EPS15L1: variants seen among roughly 807,000 people sequenced by gnomAD.
The protein encoded by EPS15L1 is epidermal growth factor receptor pathway substrate 15 like 1, also known as epidermal growth factor receptor substrate 15-like 1.
In EPS15L1, 43 loss-of-function variants were observed where a neutral mutation model predicts 117.1. The observed-to-expected ratio is 0.37, with a 90% CI of 0.29 to 0.47. EPS15L1 has a LOEUF of 0.47. EPS15L1 is among the 20% of genes least tolerant of loss of function. EPS15L1 has a pLI of 0.99. For missense variants in EPS15L1, 981 were observed against 1,164.0 expected (o/e 0.84, Z 2.29); for synonymous variants, 459 against 470.5 (o/e 0.98, Z 0.32).
At position 16,417,952 on chromosome 19, in the gene EPS15L1, C is replaced by T. The variant is rs1489172360; in HGVS notation, c.1103G>A (p.Gly368Asp). 6.2e-7 allele frequency: 1 copy of T among 1,612,450 alleles called. No individual in the cohort carries two copies. Among genetic ancestry groups the T allele is most frequent in the Non-Finnish European group, 8.5e-7 (1 of 1,179,288 alleles). ...GGCATGACCAGCACCACTCACCGGG[C>T]CGGGCGTGCCTCTCTCCGAAGGCGG... ...MVPPSERGTPGPDSSGSLGSG... is the reference protein window; with the variant it reads ...MVPPSERGTPDPDSSGSLGSG... The change falls in exon 11 of 24, where the codon GGC becomes GAC. Residue 368 changes from glycine to aspartate, a missense_variant. By Grantham distance (94) the Gly-to-Asp change is moderately conservative. Coordinates refer to ENST00000455140, the MANE Select transcript of EPS15L1 (RefSeq NM_001258374.3).
chr19:16,406,552 T>A (rs1246181535), intron 13 of EPS15L1, among the ~76,000 whole-genome samples: 1 of 152,160 alleles, frequency 6.6e-6, no homozygotes, highest in African/African-American at 2.4e-5. Context: ...CCTGGCCCCA[T>A]CACCGGGTAA....
intron 1 of EPS15L1, among the ~76,000 whole-genome samples, chr19:16,456,641 A>T (rs938481758): frequency 1.1e-4 from 16 of 151,960 alleles, no homozygotes; most frequent in African/African-American, 3.9e-4. Context: ...CTGGGTGACA[A>T]GAGTGAAACT....
intron 22 of EPS15L1, among the ~76,000 whole-genome samples, chr19:16,374,889 A>T (rs558453156): frequency 6.6e-6 from 1 of 152,290 alleles, no homozygotes; most frequent in Admixed American, 6.5e-5. Flanking sequence ...GCACGTTTGC[A>T]TGCATGCATT....
chr19:16,437,972 A>G, intron 4 of EPS15L1, 107 bp from the exon 5 acceptor site: 1 of 814,662 alleles, frequency 1.2e-6, no homozygotes, highest in South Asian at 1.6e-5. Context: ...CACTTCAACA[A>G]TGAAGGCCGT....
intron 1 of EPS15L1, among the ~76,000 whole-genome samples, chr19:16,444,063 CAAAAAAAAAAA>C (rs545605173): frequency 1.6e-4 from 6 of 37,698 alleles, no homozygotes; most frequent in African/African-American, 1.1e-4. Flanking sequence ...GACTCCGTCT[CAAAAAAAAAAA>C]AAAAAAAAAG....
chr19:16,360,017 G>A (rs561248380), intron 23 of EPS15L1, among the ~76,000 whole-genome samples: 3 of 151,618 alleles, frequency 2.0e-5, no homozygotes, highest in Admixed American at 6.5e-5. Flanking sequence ...CAATTGTTCT[G>A]GAACTACCAG....
intron 3 of EPS15L1, 177 bp from the exon 4 acceptor site, chr19:16,441,086 C>T: frequency 1.5e-6 from 1 of 674,888 alleles, no homozygotes; most frequent in Non-Finnish European, 2.7e-6. Flanking sequence ...CCCAGGGGCG[C>T]ACAGCCAGTC....
chr19:16,409,293 T>G (rs1425576614), intron 13 of EPS15L1, among the ~76,000 whole-genome samples: 3 of 152,172 alleles, frequency 2.0e-5, no homozygotes, highest in African/African-American at 7.2e-5. Flanking sequence ...GATGTCCACA[T>G]GCAAAACAAT....
intron 1 of EPS15L1, among the ~76,000 whole-genome samples, chr19:16,447,307 TGTTACCAAGAGAAGGAGAAGACTTGGCAA>T (rs2093093425): frequency 6.6e-6 from 1 of 152,104 alleles, no homozygotes; most frequent in Non-Finnish European, 1.5e-5. Context: ...CTAAGGTAAA[TGTTACCAAGAGAAGGAGAAGACTTGGCAA>T]GTGAAAAGAG....
intron 3 of EPS15L1, 53 bp downstream of exon 3, chr19:16,441,839 G>A (rs552702475): frequency 4.2e-6 from 6 of 1,445,198 alleles, no homozygotes; most frequent in East Asian, 2.3e-5. Flanking sequence ...TGACCTGCGG[G>A]GGGAGCTGTG....
In EPS15L1 at chr19:16,361,698, C is replaced by A. The variant is rs1173158355; in HGVS notation, c.2586+81G>T. The A allele has an allele frequency of 4.7e-6, 7 of 1,494,734 alleles. No homozygotes were observed. In the Admixed American group the frequency reaches 1.5e-4, roughly 31 times the overall value. 92.6% of individuals were successfully genotyped at this position (1,494,734 alleles called of 1,614,324 possible). A position where few individuals can be genotyped will look rare whatever the true frequency, so the allele number is the denominator to read the frequency against. On this transcript the variant is annotated intron_variant, in intron 23 of 23. Transcript: ENST00000455140. ...GAGGCTAAAGAAGCTGGGAGGTTTG[C>A]CTTTAAAAGGAGACAAAAATCCCAG...
In EPS15L1 at chr19:16,362,940, C is replaced by T. The variant is rs1418373988; in HGVS notation, c.2381-956G>A. On this transcript the variant is annotated intron_variant, in intron 22 of 23. Coordinates refer to ENST00000455140, the MANE Select transcript of EPS15L1 (RefSeq NM_001258374.3). ...GATGCCCGGTCCCAGCAAGGTATAT[C>T]TTGACAGGGAGGTGAGAGAGAAGTG... is the stretch of plus-strand genomic sequence containing the variant. Among the ~76,000 whole-genome samples the T allele has an allele frequency of 2.0e-5, 3 of 152,260 alleles. No individual in the cohort carries two copies. The East Asian group carries it at 5.8e-4, about 29-fold the overall frequency.
chr19:16,379,088 G>A (rs1419477422), intron 21 of EPS15L1, among the ~76,000 whole-genome samples: 1 of 152,184 alleles, frequency 6.6e-6, no homozygotes, highest in African/African-American at 2.4e-5. Flanking sequence ...CAGATCACGA[G>A]GTTAGGAGAT....
intron 1 of EPS15L1, among the ~76,000 whole-genome samples, chr19:16,448,315 G>A (rs1371393403): frequency 6.6e-6 from 1 of 152,086 alleles, no homozygotes; most frequent in East Asian, 1.9e-4. Context: ...AGGATCACCA[G>A]AGTTTGGGAG....
intron 16 of EPS15L1, among the ~76,000 whole-genome samples, chr19:16,400,040 T>C (rs181303840): frequency 6.6e-6 from 1 of 152,172 alleles, no homozygotes; most frequent in Non-Finnish European, 1.5e-5. Flanking sequence ...AATATGGCTT[T>C]AAGAACCCTG....
intron 1 of EPS15L1, among the ~76,000 whole-genome samples, chr19:16,456,813 GT>G (rs1399919479): frequency 1.3e-4 from 20 of 152,174 alleles, no homozygotes; most frequent in African/African-American, 4.8e-4. Flanking sequence ...TTGGGGCCAG[GT>G]GTGCACCGGG....
rs1409638873 is a variant in EPS15L1, at chr19:16,471,295, G to C, written c.33+618C>G. 1.3e-5 allele frequency among the ~76,000 whole-genome samples: 2 copies of C among 152,230 alleles called. No homozygotes were observed. The highest frequency in any genetic ancestry group is 2.9e-5 in the Non-Finnish European group (2 of 68,036). The stretch of plus-strand genomic sequence containing the variant: ...ATGAAAGTCTCTCCCAAATAACAGA[G>C]CTGCCTACGCATGGCTCTTTTTCGC... On this transcript the variant is annotated intron_variant, in intron 1 of 23. Coordinates refer to ENST00000455140, the MANE Select transcript of EPS15L1 (RefSeq NM_001258374.3). The surrounding 1 kb of genome is among the most constrained non-coding windows in gnomAD (Gnocchi z 4.8).
chr19:16,374,666 G>A (rs776352956), intron 22 of EPS15L1, among the ~76,000 whole-genome samples: 10 of 152,254 alleles, frequency 6.6e-5, no homozygotes, highest in Middle Eastern at 3.4e-3. Flanking sequence ...CGGGGGTGGC[G>A]GTTTCCATGA....
intron 22 of EPS15L1, among the ~76,000 whole-genome samples, chr19:16,368,314 T>C (rs1330172564): frequency 2.6e-5 from 4 of 151,992 alleles, no homozygotes. Flanking sequence ...ACAACCATCA[T>C]TGATCCTACA....
Sources: gnomAD v4.1 joint callset for allele counts (sites outside exome capture counted in the v4.1 genomes callset) on GRCh38, gnomAD v4.1.1 for gene constraint, Gnocchi (gnomAD v3.1) non-coding constraint, MANE v1.5 for transcripts, NCBI Gene and HGNC (gene_info 2026-07-23, HGNC 2026-07-21) for gene names.